Variants in SYNPR observed in about 807,000 individuals in gnomAD.
SYNPR encodes the protein synaptoporin.
A neutral mutation model predicts 32.9 loss-of-function variants in SYNPR; 23 were observed. The observed-to-expected ratio is 0.70, with a 90% CI of 0.50 to 0.99. SYNPR has a LOEUF of 0.99. Among genes scored for constraint, SYNPR ranks in the 50% least tolerant of loss-of-function variants. The pLI, the probability that SYNPR is intolerant of heterozygous loss-of-function variation, is 0.00. For synonymous variants in SYNPR, 146 were observed against 135.9 expected, an observed-to-expected ratio of 1.07 and a Z score of -0.52; for missense variants, 318 against 349.3, an observed-to-expected ratio of 0.91 and a Z score of 0.71.
chr3:63,597,042 T>C (rs1699972771), intron 4 of SYNPR, among the ~76,000 whole-genome samples: 1 of 152,180 alleles, frequency 6.6e-6, no homozygotes, highest in Non-Finnish European at 1.5e-5. Flanking sequence ...ATAATTTTGA[T>C]GTATTGGGGT....
At chr3:63,552,906 T>C (rs1702528220) in intron 3 of SYNPR, among the ~76,000 whole-genome samples, 1 of 152,214 alleles carries the variant, frequency 6.6e-6, no homozygotes, top group Non-Finnish European at 1.5e-5. Context: ...TAATTCCCAT[T>C]ATTATGTTAT....
intron 4 of SYNPR, among the ~76,000 whole-genome samples, chr3:63,573,441 C>G (rs1443518489): frequency 6.6e-6 from 1 of 152,164 alleles, no homozygotes; most frequent in African/African-American, 2.4e-5. Context: ...GATTTTTGTA[C>G]TCCATTTTCT....
At chr3:63,222,962 C>T in the SYNPR span, among the ~76,000 whole-genome samples, 1 of 152,168 alleles carries the variant, frequency 6.6e-6, no homozygotes, top group African/African-American at 2.4e-5. Context: ...AAATGTATAT[C>T]TCAATTCCTC....
chr3:63,564,053 T>A (rs1192602365), intron 4 of SYNPR, among the ~76,000 whole-genome samples: 1 of 151,788 alleles, frequency 6.6e-6, no homozygotes, highest in Non-Finnish European at 1.5e-5. Context: ...TTTTTGAAGT[T>A]CTACCCCAGG....
At chr3:63,435,296 T>C (rs1403909138) in intron 2 of SYNPR, among the ~76,000 whole-genome samples, 1 of 152,148 alleles carries the variant, frequency 6.6e-6, no homozygotes, top group African/African-American at 2.4e-5. Context: ...TAACAATAGA[T>C]TCTAGTAGAT....
chr3:63,461,487 G>C (rs1320640512), intron 2 of SYNPR, among the ~76,000 whole-genome samples: 1 of 151,992 alleles, frequency 6.6e-6, no homozygotes, highest in Non-Finnish European at 1.5e-5. Flanking sequence ...CTGAATTTGT[G>C]TCAAAACATT....
rs772903203 is a variant in SYNPR at position 63,609,334 on chromosome 3, A to G, written c.600+18A>G. On this transcript the variant is annotated intron_variant, in intron 5 of 5. Coordinates refer to ENST00000478300, the MANE Select transcript of SYNPR (RefSeq NM_001130003.2). ...CTTCTGTGGTAAGTATTTTTCATCT[A>G]TGCTTTACTGTTCATATCTTTGTTT... 19 of 1,520,464 alleles carry G rather than the reference A, an allele frequency of 1.2e-5. No individual in the cohort carries two copies. Among genetic ancestry groups the G allele is most frequent in the East Asian group, 4.9e-5 (2 of 41,146 alleles). 94.2% of individuals were successfully genotyped at this position (1,520,464 alleles called of 1,614,324 possible). A position where few individuals can be genotyped will look rare whatever the true frequency, so the allele number is the denominator to read the frequency against.
intron 4 of SYNPR, among the ~76,000 whole-genome samples, chr3:63,571,811 T>G (rs1432059030): frequency 6.6e-6 from 1 of 152,148 alleles, no homozygotes; most frequent in Admixed American, 6.6e-5. Flanking sequence ...AAAAAAATTG[T>G]CTGGCTGGAC....
At chr3:63,551,320 A>G (rs556724824) in intron 3 of SYNPR, among the ~76,000 whole-genome samples, 1 of 152,320 alleles carries the variant, frequency 6.6e-6, no homozygotes, top group South Asian at 2.1e-4. Flanking sequence ...TCGTCAGTTA[A>G]TAGACATTGC....
chr3:63,484,995 T>G (rs1289957587), intron 3 of SYNPR, among the ~76,000 whole-genome samples: 1 of 152,046 alleles, frequency 6.6e-6, no homozygotes, highest in Non-Finnish European at 1.5e-5. Context: ...TATTTTGAAG[T>G]AGAGAGTACA....
chr3:63,219,166 G>C, the SYNPR span, among the ~76,000 whole-genome samples: 393 of 152,296 alleles, frequency 2.6e-3, 3 homozygotes, highest in African/African-American at 9.1e-3. Flanking sequence ...GTCAGAAATG[G>C]GTATTGACAT....
At chr3:63,557,626 C>G (rs1702617148) in intron 4 of SYNPR, among the ~76,000 whole-genome samples, 1 of 152,028 alleles carries the variant, frequency 6.6e-6, no homozygotes, top group Admixed American at 6.6e-5. Context: ...ATTAAAAACT[C>G]TAATATGCTT....
At chr3:63,220,569 T>G in the SYNPR span, among the ~76,000 whole-genome samples, 2 of 152,174 alleles carry the variant, frequency 1.3e-5, no homozygotes, top group Non-Finnish European at 2.9e-5. Context: ...GACTTGCTCT[T>G]TCCTGGTCAC....
intron 2 of SYNPR, among the ~76,000 whole-genome samples, chr3:63,290,843 C>T (rs116020424): frequency 0.013 from 1,987 of 152,292 alleles, 45 homozygotes; most frequent in African/African-American, 0.045. Flanking sequence ...AGGAAGTTCT[C>T]ACTCATCCAT....
chr3:63,466,986 A>G (rs1700694884), intron 2 of SYNPR, among the ~76,000 whole-genome samples: 1 of 152,098 alleles, frequency 6.6e-6, no homozygotes, highest in Non-Finnish European at 1.5e-5. Flanking sequence ...TATTAGCTGA[A>G]TACTTTTATT....
intron 5 of SYNPR, among the ~76,000 whole-genome samples, chr3:63,609,698 G>A (rs1402400207): frequency 2.0e-5 from 3 of 152,136 alleles, no homozygotes; most frequent in Non-Finnish European, 4.4e-5. Flanking sequence ...CCTGAGATCA[G>A]GAGTTCAAGA....
chr3:63,468,709 G>A (rs1215766347), intron 2 of SYNPR, among the ~76,000 whole-genome samples: 2 of 152,282 alleles, frequency 1.3e-5, no homozygotes, highest in Middle Eastern at 6.8e-3. Context: ...GCTGAGGCGT[G>A]AGGATGGCTT....
At chr3:63,285,831 A>G (rs1403726001) in intron 2 of SYNPR, among the ~76,000 whole-genome samples, 1 of 152,198 alleles carries the variant, frequency 6.6e-6, no homozygotes, top group South Asian at 2.1e-4. Context: ...AATAGTTCCT[A>G]CTTCAAAGTG....
chr3:63,480,986 CT>C, intron 3 of SYNPR, 30 bp downstream of exon 3: 1 of 1,599,532 alleles, frequency 6.3e-7, no homozygotes, highest in South Asian at 1.1e-5. Context: ...GCTTGTTAGC[CT>C]CACAGGGGGT....
Sources: gnomAD v4.1 joint callset for allele counts (sites outside exome capture counted in the v4.1 genomes callset) on GRCh38, gnomAD v4.1.1 for gene constraint, MANE v1.5 for transcripts, NCBI Gene and HGNC (gene_info 2026-07-23, HGNC 2026-07-21) for gene names.